The following TLL1 variants were observed in gnomAD, a reference collection of about 807,000 sequenced individuals.
The protein encoded by TLL1 is tolloid like 1.
In TLL1, 49 loss-of-function variants were observed where a neutral mutation model predicts 128.2. The observed-to-expected ratio is 0.38, with a 90% confidence interval of 0.30 to 0.48. The LOEUF is 0.48. Among genes scored for constraint, TLL1 ranks in the 20% least tolerant of loss-of-function variants. TLL1 has a pLI of 0.96. For missense variants in TLL1, 1,123 were observed against 1,242.0 expected (o/e 0.90, Z 1.44); for synonymous variants, 454 against 418.8 (o/e 1.08, Z -1.03).
At chr4:166,021,990 G>A (rs1477415914) in intron 8 of TLL1, among the ~76,000 whole-genome samples, 1 of 152,028 alleles carries the variant, frequency 6.6e-6, no homozygotes, top group African/African-American at 2.4e-5. Flanking sequence ...ATTTTAAAAT[G>A]TTCTAGTAAT....
At position 166,069,916 on chromosome 4, in the gene TLL1, TA is replaced by T. The variant is rs528174575; in HGVS notation, c.2188+4056del. On this transcript the variant is annotated intron_variant, in intron 16 of 20. Transcript: ENST00000061240. Reference sequence around the variant, plus strand: ...TGCTACACTTATTCCAGGGTATATTTAAAGAGCAATACAATGAAGTAATATT... The same window carrying T: ...TGCTACACTTATTCCAGGGTATATTTAAGAGCAATACAATGAAGTAATATT... Among the ~76,000 whole-genome samples, 1,170 of 151,872 alleles carry T rather than the reference TA, an allele frequency of 7.7e-3. 13 individuals are homozygous for T. The highest frequency in any genetic ancestry group is 0.027 in the African/African-American group (1,110 of 41,518).
In TLL1 at chr4:165,995,121, C is replaced by A; in HGVS notation, c.575C>A (p.Thr192Asn). 6.2e-7 allele frequency: 1 copy of A among 1,613,832 alleles called. No homozygotes were observed. Among genetic ancestry groups the A allele is most frequent in the Non-Finnish European group, 8.5e-7 (1 of 1,179,932 alleles). ...MRHWEKHTCV[T>N]FIERSDEESY... is the part of the protein sequence containing the mutation. The stretch of plus-strand genomic sequence containing the variant: ...CACTGGGAAAAGCACACATGTGTGA[C>A]TTTCATAGAAAGAAGTGATGAAGAG... The change falls in exon 5 of 21, where the codon ACT becomes AAT. Residue 192 changes from threonine to asparagine, a missense_variant. Around this residue, in one of 3 missense-constraint regions of TLL1, gnomAD observed 480 missense variants for 542.4 expected, o/e 0.89. Transcript: ENST00000061240.
chr4:165,903,601 C>T (rs1328401591), intron 1 of TLL1, among the ~76,000 whole-genome samples: 2 of 151,280 alleles, frequency 1.3e-5, no homozygotes, highest in Non-Finnish European at 2.9e-5. Context: ...TTAGTAGAGA[C>T]GGGGTTTCAC....
chr4:165,919,382 CAAAA>C (rs1163238067), intron 1 of TLL1, among the ~76,000 whole-genome samples: 3 of 75,236 alleles, frequency 4.0e-5, no homozygotes. Context: ...GACCCTGCTT[CAAAA>C]AAAAAAAAAA....
chr4:166,050,160 T>C (rs1404200877), intron 12 of TLL1, among the ~76,000 whole-genome samples: 1 of 152,198 alleles, frequency 6.6e-6, no homozygotes, highest in Non-Finnish European at 1.5e-5. Context: ...CTCTTCATCT[T>C]GCAAAGCCGA....
intron 1 of TLL1, among the ~76,000 whole-genome samples, chr4:165,978,892 G>C (rs1460672290): frequency 6.6e-6 from 1 of 152,154 alleles, no homozygotes; most frequent in African/African-American, 2.4e-5. Context: ...GCTGTTTACT[G>C]TGTGGTTCTT....
chr4:165,968,643 T>G (rs529449333), intron 1 of TLL1, among the ~76,000 whole-genome samples: 1 of 152,312 alleles, frequency 6.6e-6, no homozygotes, highest in African/African-American at 2.4e-5. Flanking sequence ...TAAGTCAATT[T>G]TACCACATTC....
At chr4:166,073,373 A>G (rs1462491801) in intron 16 of TLL1, among the ~76,000 whole-genome samples, 1 of 152,148 alleles carries the variant, frequency 6.6e-6, no homozygotes, top group Non-Finnish European at 1.5e-5. Context: ...GGAGTTCAAA[A>G]TTATGGTAAA....
intron 1 of TLL1, among the ~76,000 whole-genome samples, chr4:165,923,421 CTTTTTTTTTTTT>C (rs758162016): frequency 4.2e-5 from 3 of 70,848 alleles, no homozygotes; most frequent in South Asian, 1.8e-3. Flanking sequence ...ATAGGTATAC[CTTTTTTTTTTTT>C]TTTTTTTTTT....
chr4:166,041,887 G>A (rs771680331), intron 10 of TLL1, 140 bp from the exon 11 acceptor site: 2 of 616,562 alleles, frequency 3.2e-6, no homozygotes, highest in Non-Finnish European at 5.9e-6. Context: ...GTAAATTTAA[G>A]GCACAGTTGT....
intron 8 of TLL1, among the ~76,000 whole-genome samples, chr4:166,024,033 G>A (rs1343492718): frequency 6.6e-6 from 1 of 151,788 alleles, no homozygotes; most frequent in South Asian, 2.1e-4. Flanking sequence ...ATTTTTCTAA[G>A]ACTTCTTTTA....
intron 8 of TLL1, 95 bp from the exon 9 acceptor site, chr4:166,025,221 G>C: frequency 1.2e-6 from 1 of 855,792 alleles, no homozygotes; most frequent in Non-Finnish European, 2.0e-6. Context: ...ATTTAGTCTT[G>C]TCTACTACCA....
intron 15 of TLL1, 152 bp downstream of exon 15, chr4:166,060,340 T>G (rs1740248520): frequency 3.5e-6 from 3 of 864,864 alleles, no homozygotes; most frequent in Non-Finnish European, 5.3e-6. Flanking sequence ...TGCTTATGAA[T>G]CTCGTTGGCA....
intron 1 of TLL1, among the ~76,000 whole-genome samples, chr4:165,950,742 A>G (rs189783246): frequency 6.6e-6 from 1 of 152,242 alleles, no homozygotes; most frequent in Non-Finnish European, 1.5e-5. Context: ...TGCAACATCA[A>G]TATATTTGTG....
intron 1 of TLL1, among the ~76,000 whole-genome samples, chr4:165,961,920 A>C (rs1735124895): frequency 6.6e-6 from 1 of 152,188 alleles, no homozygotes; most frequent in African/African-American, 2.4e-5. Context: ...GCCTCCCTTC[A>C]GGATAAAAAC....
intron 1 of TLL1, among the ~76,000 whole-genome samples, chr4:165,935,710 A>T (rs1258273493): frequency 6.6e-6 from 1 of 152,172 alleles, no homozygotes; most frequent in Non-Finnish European, 1.5e-5. Context: ...ATTCCTACAC[A>T]CTATAGTTTA....
At position 166,057,207 on chromosome 4, in the gene TLL1, G is replaced by A. The variant is rs1166417782; in HGVS notation, c.1744G>A (p.Asp582Asn). The A allele has an allele frequency of 6.2e-7, 1 of 1,613,706 alleles. No individual in the cohort carries two copies. Among genetic ancestry groups the A allele is most frequent in the African/African-American group, 1.3e-5 (1 of 74,864 alleles). ...AGAGGAAGATGAGTGTGCCAAACCTGACCGTGGAGGCTGTGAGCAGCGATG... is the reference window on the plus strand; with the variant it reads ...AGAGGAAGATGAGTGTGCCAAACCTAACCGTGGAGGCTGTGAGCAGCGATG... ...FKEEDECAKPDRGGCEQRCLN... is the reference protein window; with the variant it reads ...FKEEDECAKPNRGGCEQRCLN... Residue 582 changes from aspartate (D) to asparagine (N), a missense_variant, in exon 14 of 21, where the codon GAC (aspartate) becomes AAC (asparagine). Around this residue, in one of 3 missense-constraint regions of TLL1, gnomAD observed 634 missense variants for 672.4 expected, o/e 0.94. Transcript: ENST00000061240.
chr4:165,901,990 G>A (rs995835174), intron 1 of TLL1, among the ~76,000 whole-genome samples: 15 of 152,154 alleles, frequency 9.9e-5, no homozygotes, highest in African/African-American at 3.1e-4. Context: ...TGGCTTTGCC[G>A]AGCTGTGGTG....
rs1300379646 is a variant in TLL1 at position 166,101,964 on chromosome 4, T to C, written c.*1088T>C. The C allele has an allele frequency of 6.6e-6, 1 of 152,484 alleles. No individual in the cohort carries two copies. The highest frequency in any genetic ancestry group is 1.9e-4 in the East Asian group (1 of 5,168). The allele number at this position is 152,484 out of a possible 1,614,324, so 9.4% of individuals were successfully genotyped here. ...AAAAAAGATTTGTTTCTGAAAGACT[T>C]CTTATGGTGCTATTCCATAAACTTT... On this transcript the variant is annotated 3_prime_UTR_variant, in exon 21 of 21. Coordinates refer to ENST00000061240, the MANE Select transcript of TLL1 (RefSeq NM_012464.5).
Sources: gnomAD v4.1 joint callset for allele counts (sites outside exome capture counted in the v4.1 genomes callset) on GRCh38, gnomAD v4.1.1 for gene constraint, gnomAD v4.1.1 regional missense constraint, MANE v1.5 for transcripts, NCBI Gene and HGNC (gene_info 2026-07-23, HGNC 2026-07-21) for gene names.